Variants in TESPA1 observed in about 807,000 individuals in gnomAD.
TESPA1 encodes the protein thymocyte expressed, positive selection associated 1.
In TESPA1, 33 loss-of-function variants were observed where a neutral mutation model predicts 57.9. The ratio of observed to expected loss-of-function variants is 0.57; its 90% CI spans 0.43 to 0.76. The LOEUF is 0.76. Ranked by LOEUF, TESPA1 falls within the 30% of genes least tolerant of loss-of-function variation. TESPA1 has a pLI of 0.00. For missense variants in TESPA1, 618 were observed against 632.9 expected (o/e 0.98, Z 0.25); for synonymous variants, 227 against 228.9 (o/e 0.99, Z 0.07).
intron 1 of TESPA1, among the ~76,000 whole-genome samples, chr12:54,983,324 C>T (rs941911625): frequency 6.6e-6 from 1 of 152,102 alleles, no homozygotes; most frequent in Non-Finnish European, 1.5e-5. Context: ...GCTTTCTATC[C>T]CTTCTGCTAT....
At chr12:54,951,795 T>A (rs760314120) in intron 10 of TESPA1, among the ~76,000 whole-genome samples, 7 of 152,052 alleles carry the variant, frequency 4.6e-5, no homozygotes, top group Admixed American at 2.0e-4. Context: ...TCAATATTGC[T>A]CCTTTATATA....
chr12:54,962,390 C>T (rs1349680202), intron 9 of TESPA1, 41 bp downstream of exon 9: 1 of 1,585,718 alleles, frequency 6.3e-7, no homozygotes, highest in Non-Finnish European at 8.6e-7. Context: ...GAATCTACAG[C>T]CTTTCTCTGC....
At chr12:54,968,218 G>A (rs10783706) in intron 3 of TESPA1, among the ~76,000 whole-genome samples, 54,878 of 152,008 alleles carry the variant, frequency 0.36, 12,775 homozygotes, top group East Asian at 0.89. Context: ...GAAGCAAAAC[G>A]GGAGAATTAC....
At chr12:54,983,342 G>T (rs2136222397) in intron 1 of TESPA1, among the ~76,000 whole-genome samples, 1 of 152,198 alleles carries the variant, frequency 6.6e-6, no homozygotes, top group East Asian at 1.9e-4. Flanking sequence ...TATATCTTCA[G>T]CTTGTTATTT....
chr12:54,980,521 C>T (rs541070465), intron 1 of TESPA1, among the ~76,000 whole-genome samples: 96 of 152,296 alleles, frequency 6.3e-4, no homozygotes, highest in African/African-American at 2.0e-3. Context: ...CCATCACCGC[C>T]CTGTGGTGGG....
At chr12:54,974,301 T>TG in intron 2 of TESPA1, 99 bp downstream of exon 2, 1 of 1,115,972 alleles carries the variant, frequency 9.0e-7, no homozygotes, top group Non-Finnish European at 1.2e-6. Flanking sequence ...CCTGAGGGCC[T>TG]GGCTAAACAA....
chr12:54,974,131 GC>G (rs1443365875), intron 2 of TESPA1, among the ~76,000 whole-genome samples: 2 of 152,184 alleles, frequency 1.3e-5, no homozygotes, highest in Admixed American at 6.5e-5. Context: ...TTCATAGAGA[GC>G]CCCCAGCCTC....
chr12:54,971,926 ACTC>A (rs951651605), intron 3 of TESPA1, among the ~76,000 whole-genome samples: 7 of 152,078 alleles, frequency 4.6e-5, no homozygotes. Flanking sequence ...GTAGGTATAA[ACTC>A]CTCCTTTATA....
intron 1 of TESPA1, chr12:54,984,155 C>G (rs1418832801): frequency 6.6e-6 from 1 of 152,144 alleles, no homozygotes; most frequent in Non-Finnish European, 1.5e-5. Flanking sequence ...GCTATGGACA[C>G]TAGAGTAGGG....
At chr12:54,981,082 G>A (rs1418376586) in intron 1 of TESPA1, among the ~76,000 whole-genome samples, 1 of 152,026 alleles carries the variant, frequency 6.6e-6, no homozygotes, top group African/African-American at 2.4e-5. Flanking sequence ...ACCACACCTA[G>A]TCTATACCTA....
intron 1 of TESPA1, among the ~76,000 whole-genome samples, chr12:54,978,602 A>T (rs560573508): frequency 5.3e-5 from 8 of 152,294 alleles, no homozygotes; most frequent in African/African-American, 1.9e-4. Context: ...CGACCTTCAC[A>T]TTGGATCCAG....
intron 10 of TESPA1, among the ~76,000 whole-genome samples, chr12:54,959,549 T>C (rs1461112664): frequency 1.3e-5 from 2 of 152,244 alleles, no homozygotes; most frequent in Non-Finnish European, 2.9e-5. Context: ...TTTCTCAGAC[T>C]GGTCCATGCT....
chr12:54,963,076 A>C lies in TESPA1; in HGVS notation c.822T>G (p.Pro274=). ...GGCGGTCTCTGGGTGACTGGGGTTC[A>C]GGCTCTCGGGACAGAATCCTGATGG... ...VPSIRILSRE[P]EPQSPRDRLR... Residue 274 remains proline (P), a synonymous_variant, in exon 9 of 11, where the codon CCT becomes CCG. Transcript: ENST00000449076. 3.1e-6 allele frequency: 5 copies of C among 1,613,908 alleles called. No homozygotes were observed. Among genetic ancestry groups the C allele is most frequent in the Non-Finnish European group, 4.2e-6 (5 of 1,179,860 alleles).
rs979592994 is a variant in TESPA1, at chr12:54,959,115, G to C, written c.*1+2053C>G. On this transcript the variant is annotated intron_variant, in intron 10 of 10. Coordinates refer to ENST00000449076, the MANE Select transcript of TESPA1 (RefSeq NM_001136030.3). ...ATGTAAATAGGCTTTTAGTAATGTG[G>C]TGGTAAGGTTTAGGGAGAAGGGAAG... is the stretch of plus-strand genomic sequence containing the variant. Among the ~76,000 whole-genome samples the C allele has an allele frequency of 3.3e-5, 5 of 152,122 alleles. No homozygotes were observed. The South Asian group carries it at 1.0e-3, about 31-fold the overall frequency.
intron 1 of TESPA1, chr12:54,983,908 A>G (rs1441183661): frequency 2.6e-5 from 4 of 152,178 alleles, no homozygotes; most frequent in African/African-American, 9.7e-5. Context: ...ACATCCATCT[A>G]TCTATCTTTG....
intron 1 of TESPA1, among the ~76,000 whole-genome samples, chr12:54,982,850 A>G (rs945373779): frequency 6.6e-6 from 1 of 152,058 alleles, no homozygotes; most frequent in African/African-American, 2.4e-5. Context: ...TTCTTTTTCA[A>G]TATCTACACA....
intron 10 of TESPA1, among the ~76,000 whole-genome samples, chr12:54,955,555 A>C (rs1950680833): frequency 2.0e-5 from 3 of 152,216 alleles, no homozygotes; most frequent in Non-Finnish European, 1.5e-5. Flanking sequence ...GTGACAAATG[A>C]TTCTGTTAAG....
intron 2 of TESPA1, 57 bp from the exon 3 acceptor site, chr12:54,973,576 C>T (rs1052160069): frequency 4.3e-6 from 7 of 1,613,072 alleles, no homozygotes; most frequent in African/African-American, 2.7e-5. Flanking sequence ...GACCTCCTCC[C>T]TGCAACTAAT....
intron 1 of TESPA1, 96 bp downstream of exon 1, chr12:54,984,489 T>C (rs1952426555): frequency 6.6e-6 from 1 of 152,286 alleles, no homozygotes; most frequent in South Asian, 2.1e-4. Flanking sequence ...TTCCCTTGAC[T>C]TGACAGCCTG....
Sources: allele counts gnomAD v4.1 joint callset (sites outside exome capture counted in the v4.1 genomes callset), GRCh38; gene constraint gnomAD v4.1.1; transcripts MANE v1.5; gene names NCBI Gene and HGNC (gene_info 2026-07-23, HGNC 2026-07-21).